Variants in SPNS2 observed in about 807,000 individuals in gnomAD.
SPNS2 encodes sphingosine-1-phosphate transporter SPNS2.
SPNS2 carries 37 observed loss-of-function variants against 57.6 expected under a neutral mutation model. The ratio of observed to expected loss-of-function variants is 0.64; its 90% confidence interval spans 0.49 to 0.85. SPNS2 has a LOEUF of 0.85. Ranked by LOEUF, SPNS2 falls within the 40% of genes least tolerant of loss-of-function variation. The pLI is 0.00. For missense variants in SPNS2, 831 were observed against 779.1 expected (o/e 1.07, Z -0.79); for synonymous variants, 440 against 346.9 (o/e 1.27, Z -2.98).
At chr17:4,523,767 A>C (rs1905198894) in intron 2 of SPNS2, among the ~76,000 whole-genome samples, 1 of 152,182 alleles carries the variant, frequency 6.6e-6, no homozygotes, top group Admixed American at 6.5e-5. Flanking sequence ...CGTGGCATCC[A>C]CTTGCTCTCA....
chr17:4,536,642 G>C (rs561702688), intron 11 of SPNS2: 466 of 684,856 alleles, frequency 6.8e-4, no homozygotes, highest in Non-Finnish European at 9.4e-4. Context: ...CCAGACTTGG[G>C]TTTGTCTCTG....
intron 11 of SPNS2, 113 bp from the exon 12 acceptor site, chr17:4,536,787 T>C: frequency 1.2e-6 from 1 of 863,514 alleles, no homozygotes; most frequent in Non-Finnish European, 1.9e-6. Flanking sequence ...GCTGACGAGG[T>C]CCCTGCCCAG....
rs932532092 is a variant in SPNS2 at position 4,537,531 on chromosome 17, G to A, written c.*83G>A. 4 of 456,700 alleles carry A rather than the reference G, an allele frequency of 8.8e-6. No homozygotes were observed. Among genetic ancestry groups the A allele is most frequent in the African/African-American group, 8.0e-5 (4 of 50,098 alleles). The allele number at this position is 456,700 out of a possible 1,614,324, so 28.3% of individuals were successfully genotyped here. On this transcript the variant is annotated 3_prime_UTR_variant, in exon 13 of 13. Coordinates refer to ENST00000329078, the MANE Select transcript of SPNS2 (RefSeq NM_001124758.3). ...TACAGCGTCCGGGACCGGCTGGGCT[G>A]CCCCAAAGCTTTCTGTGTGATCCAC...
rs527556050 is a variant in SPNS2 at position 4,536,446 on chromosome 17, G to A, written c.1607+20G>A. ...GCAGCAGTGAGTGGGGGGGAGGGGA[G>A]GCCCTGCTGCACCGCCGGGAAGCAG... On this transcript the variant is annotated intron_variant, in intron 11 of 12. Transcript: ENST00000329078. 2.5e-6 allele frequency: 4 copies of A among 1,584,542 alleles called. No individual in the cohort carries two copies. Among genetic ancestry groups the A allele is most frequent in the African/African-American group, 2.7e-5 (2 of 74,902 alleles).
At chr17:4,536,846 C>T (rs575654066) in intron 11 of SPNS2, 54 bp from the exon 12 acceptor site, 242 of 1,491,250 alleles carry the variant, frequency 1.6e-4, no homozygotes, top group Admixed American at 3.2e-4. Context: ...GAGCAGTGCC[C>T]GGGCCCGGCC....
In SPNS2 at chr17:4,533,197, C is replaced by T. The variant is rs754832652; in HGVS notation, c.1089-46C>T. On this transcript the variant is annotated intron_variant, in intron 7 of 12. Transcript: ENST00000329078. ...GGACAGGAGAGCCCCTCAGCCTTAG[C>T]CCTGAGCCGCCTCAACTCGTGCGCC... is the stretch of plus-strand genomic sequence containing the variant. 3.2e-6 allele frequency: 5 copies of T among 1,580,580 alleles called. No homozygotes were observed. In the East Asian group the frequency reaches 9.0e-5, roughly 29 times the overall value.
In SPNS2 at chr17:4,499,597, G is replaced by A. The variant is rs1904401701; in HGVS notation, c.370+180G>A. 7.0e-6 allele frequency: 3 copies of A among 426,332 alleles called. No individual in the cohort carries two copies. Among genetic ancestry groups the A allele is most frequent in the Non-Finnish European group, 1.2e-5 (3 of 244,192 alleles). 26.4% of individuals were successfully genotyped at this position (426,332 alleles called of 1,614,324 possible). A position where few individuals can be genotyped will look rare whatever the true frequency, so the allele number is the denominator to read the frequency against. ...GCAAGGGATGCCTCCGTGCACCACG[G>A]GTACAATCCAGCTCCCCGCTCATAC... On this transcript the variant is annotated intron_variant, in intron 1 of 12. Transcript: ENST00000329078. This position sits in a 1 kb window ranked among gnomAD's most constrained non-coding sequence, Gnocchi z 5.2.
At chr17:4,535,377 C>A (rs1474105037) in intron 9 of SPNS2, among the ~76,000 whole-genome samples, 2 of 152,186 alleles carry the variant, frequency 1.3e-5, no homozygotes, top group Non-Finnish European at 2.9e-5. Flanking sequence ...CTGGCTTGGT[C>A]CTCAGGGAGG....
chr17:4,513,093 C>T (rs1038040834), intron 1 of SPNS2, among the ~76,000 whole-genome samples, 154 bp from the exon 2 acceptor site: 1 of 152,182 alleles, frequency 6.6e-6, no homozygotes, highest in African/African-American at 2.4e-5. Context: ...GGAGGGAAGC[C>T]TGGGAAACCT....
intron 6 of SPNS2, 71 bp from the exon 7 acceptor site, chr17:4,532,906 C>T: frequency 2.6e-6 from 4 of 1,543,410 alleles, no homozygotes; most frequent in East Asian, 2.3e-5. Flanking sequence ...CCTGTTCCCC[C>T]AGTGCATGGG....
chr17:4,525,153 G>A lies in SPNS2; in HGVS notation c.533G>A (p.Trp178Ter). 1.2e-6 allele frequency: 2 copies of A among 1,614,184 alleles called. No individual in the cohort carries two copies. The highest frequency in any genetic ancestry group is 1.1e-5 in the South Asian group (1 of 91,090). ...ATTCTCAGCTGCGGCATTTTCTTCT[G>A]GTCGGCCGTCACCTTCTCCAGCTCC... Reference protein sequence around the residue: ...KVILSCGIFFWSAVTFSSSFI... With the variant: ...KVILSCGIFF The change falls in exon 3 of 13, where the codon TGG becomes TAG. Residue 178 changes from tryptophan (W) to a stop codon, truncating the protein, a stop_gained. Coordinates refer to ENST00000329078, the MANE Select transcript of SPNS2 (RefSeq NM_001124758.3). LOFTEE classifies it high-confidence loss of function.
chr17:4,538,785 G>A lies in SPNS2; in HGVS notation c.*1337G>A. 2 of 747,264 alleles carry A rather than the reference G, an allele frequency of 2.7e-6. No homozygotes were observed. Among genetic ancestry groups the A allele is most frequent in the Non-Finnish European group, 4.9e-6 (2 of 409,184 alleles). The allele number at this position is 747,264 out of a possible 1,614,324, so 46.3% of individuals were successfully genotyped here. A position where few individuals can be genotyped will look rare whatever the true frequency, so the allele number is the denominator to read the frequency against. Reference sequence around the variant, plus strand: ...CCCACCAAGCTCTGGGGTACCCCGAGGGCCTGACAAGAGGATGGGGTGGGG... The same window carrying A: ...CCCACCAAGCTCTGGGGTACCCCGAAGGCCTGACAAGAGGATGGGGTGGGG... On this transcript the variant is annotated 3_prime_UTR_variant, in exon 13 of 13. Transcript: ENST00000329078.
chr17:4,533,574 C>T lies in SPNS2; in HGVS notation c.1278+142C>T, dbSNP rs73335843. 0.19 allele frequency: 208,078 copies of T among 1,069,630 alleles called. 23,430 individuals carry two copies. Among genetic ancestry groups the T allele is most frequent in the East Asian group, 0.52 (19,878 of 38,554 alleles). 66.3% of individuals were successfully genotyped at this position (1,069,630 alleles called of 1,614,324 possible). A position where few individuals can be genotyped will look rare whatever the true frequency, so the allele number is the denominator to read the frequency against. On this transcript the variant is annotated intron_variant, in intron 8 of 12. Transcript: ENST00000329078. The stretch of plus-strand genomic sequence containing the variant: ...TTCTCTGGCTGCCCCTGCTCATCCC[C>T]AGCCTGGCCACACACAGCCTGTCCA...
At chr17:4,532,108 C>T (rs1404220572) in intron 5 of SPNS2, among the ~76,000 whole-genome samples, 1 of 152,082 alleles carries the variant, frequency 6.6e-6, no homozygotes, top group Non-Finnish European at 1.5e-5. Context: ...TCTGTCCATC[C>T]ATCCACCATC....
rs11658114 is a variant in SPNS2 at position 4,536,217 on chromosome 17, A to C, written c.1443+43A>C. 977 of 1,607,068 alleles carry C rather than the reference A, an allele frequency of 6.1e-4. 4 individuals carry two copies. In the African/African-American group the frequency reaches 0.012, roughly 20 times the overall value. ...GGGGCTGGCCAGGGCAGGCTGGGGGACTGCAGGAGGGCTCTGCCCTGACAT... is the reference window on the plus strand; with the variant it reads ...GGGGCTGGCCAGGGCAGGCTGGGGGCCTGCAGGAGGGCTCTGCCCTGACAT... On this transcript the variant is annotated intron_variant, in intron 10 of 12. Coordinates refer to ENST00000329078, the MANE Select transcript of SPNS2 (RefSeq NM_001124758.3).
chr17:4,506,810 C>G (rs1356297588), intron 1 of SPNS2, among the ~76,000 whole-genome samples: 1 of 152,124 alleles, frequency 6.6e-6, no homozygotes, highest in Admixed American at 6.5e-5. Context: ...CCCAGATTTG[C>G]AGGGTGGCTT....
chr17:4,536,728 C>T (rs1158372435), intron 11 of SPNS2, 172 bp from the exon 12 acceptor site: 3 of 659,576 alleles, frequency 4.5e-6, no homozygotes, highest in Admixed American at 2.7e-5. Flanking sequence ...CCTCTTTACT[C>T]CTCTCTCTCT....
chr17:4,503,559 T>C (rs1193203670), intron 1 of SPNS2, among the ~76,000 whole-genome samples: 1 of 152,224 alleles, frequency 6.6e-6, no homozygotes, highest in Non-Finnish European at 1.5e-5. Context: ...AGGGTGTAGG[T>C]GGCAGCATTT....
chr17:4,503,159 C>CG (rs1904576083), intron 1 of SPNS2, among the ~76,000 whole-genome samples: 1 of 152,202 alleles, frequency 6.6e-6, no homozygotes, highest in Non-Finnish European at 1.5e-5. Flanking sequence ...CAAGGTCACA[C>CG]GGGGGGCGGA....
Sources: allele counts gnomAD v4.1 joint callset (sites outside exome capture counted in the v4.1 genomes callset), GRCh38; gene constraint gnomAD v4.1.1; non-coding constraint Gnocchi (gnomAD v3.1); transcripts MANE v1.5; gene names NCBI Gene and HGNC (gene_info 2026-07-23, HGNC 2026-07-21).